Variants in MICU1 observed in about 807,000 individuals in gnomAD.
MICU1 encodes the protein calcium uptake protein 1, mitochondrial.
A neutral mutation model predicts 56.8 loss-of-function variants in MICU1; 45 were observed. That is an observed-to-expected ratio of 0.79 (90% CI 0.62 to 1.02). The LOEUF (loss-of-function observed/expected upper bound fraction) is 1.02, where lower values mean the gene tolerates loss of function less well. Ranked by LOEUF, MICU1 falls within the 50% of genes least tolerant of loss-of-function variation. The probability of loss-of-function intolerance (pLI) is 0.00; values close to 1 mark genes in which losing one functional copy is unlikely to be tolerated. For missense variants in MICU1, 504 were observed against 587.1 expected, an observed-to-expected ratio of 0.86 and a Z score of 1.46; for synonymous variants, 186 against 195.1, an observed-to-expected ratio of 0.95 and a Z score of 0.39.
At chr10:72,592,707 G>C (rs914784703) in intron 1 of MICU1, among the ~76,000 whole-genome samples, 5 of 151,294 alleles carry the variant, frequency 3.3e-5, no homozygotes, top group African/African-American at 1.2e-4. Context: ...AACATTAACA[G>C]AATGAAGAAA....
intron 8 of MICU1, among the ~76,000 whole-genome samples, chr10:72,426,904 T>C (rs1270202381): frequency 1.3e-5 from 2 of 152,232 alleles, no homozygotes; most frequent in African/African-American, 4.8e-5. Flanking sequence ...ACACAGGTTA[T>C]TACAAAATTA....
chr10:72,388,805 T>TCTCC (rs1249877869), intron 10 of MICU1, among the ~76,000 whole-genome samples: 1 of 152,144 alleles, frequency 6.6e-6, no homozygotes, highest in Non-Finnish European at 1.5e-5. Flanking sequence ...CTTTTCAGAC[T>TCTCC]CTAACAGAAT....
intron 8 of MICU1, among the ~76,000 whole-genome samples, chr10:72,452,752 G>A (rs1290672457): frequency 2.0e-5 from 3 of 151,912 alleles, no homozygotes; most frequent in Non-Finnish European, 2.9e-5. Context: ...CCCATCGCTA[G>A]GCAATGCATA....
At chr10:72,507,613 G>A (rs1309739571) in intron 6 of MICU1, among the ~76,000 whole-genome samples, 2 of 152,108 alleles carry the variant, frequency 1.3e-5, no homozygotes, top group Non-Finnish European at 2.9e-5. Context: ...CAGAGTGACA[G>A]ACAGTTAAAG....
intron 6 of MICU1, among the ~76,000 whole-genome samples, chr10:72,493,621 T>C (rs1564900567): frequency 6.6e-6 from 1 of 151,854 alleles, no homozygotes; most frequent in Non-Finnish European, 1.5e-5. Flanking sequence ...CCTGACTAAT[T>C]TGTGTATTTT....
chr10:72,414,673 T>C (rs145315995), intron 9 of MICU1, among the ~76,000 whole-genome samples: 1,583 of 152,274 alleles, frequency 0.01, 20 homozygotes, highest in Non-Finnish European at 0.015. Context: ...AATTGTACAG[T>C]TAAAATGGAT....
At chr10:72,486,836 T>C (rs1239714420) in intron 6 of MICU1, among the ~76,000 whole-genome samples, 2 of 152,074 alleles carry the variant, frequency 1.3e-5, no homozygotes, top group Non-Finnish European at 2.9e-5. Context: ...AAAATGCATA[T>C]TATGAAAAAC....
In MICU1 at chr10:72,593,493, C is replaced by T. The variant is rs549576476; in HGVS notation, c.-1-26699G>A. ...GAGCCAAGATCGTGCTACTGTACTA[C>T]AGTCTGGGCGACAGTCGGACTCTGT... On this transcript the variant is annotated intron_variant, in intron 1 of 11. Coordinates refer to ENST00000361114, the MANE Select transcript of MICU1 (RefSeq NM_001195518.2). Among the ~76,000 whole-genome samples, 19 of 148,032 alleles carry T rather than the reference C, an allele frequency of 1.3e-4. No individual in the cohort carries two copies. The East Asian group carries it at 2.9e-3, about 23-fold the overall frequency.
intron 10 of MICU1, among the ~76,000 whole-genome samples, chr10:72,378,126 A>G (rs1240198410): frequency 6.6e-6 from 1 of 152,090 alleles, no homozygotes; most frequent in Non-Finnish European, 1.5e-5. Context: ...GGTGGTGCGC[A>G]CCTATAGTCC....
chr10:72,466,190 A>T (rs1483229440), intron 8 of MICU1, among the ~76,000 whole-genome samples: 1 of 152,212 alleles, frequency 6.6e-6, no homozygotes, highest in Non-Finnish European at 1.5e-5. Flanking sequence ...AACAGAAATG[A>T]CTACTAAGTG....
chr10:72,474,424 A>G (rs1184345041), intron 8 of MICU1, among the ~76,000 whole-genome samples: 1 of 152,198 alleles, frequency 6.6e-6, no homozygotes, highest in Non-Finnish European at 1.5e-5. Context: ...ATGGAACAGA[A>G]TAAATAGCTA....
At chr10:72,427,536 A>T (rs141613153) in intron 8 of MICU1, among the ~76,000 whole-genome samples, 2,274 of 152,162 alleles carry the variant, frequency 0.015, 45 homozygotes, top group African/African-American at 0.049. Context: ...TCTCTTTCAT[A>T]CAGTTATCTT....
At chr10:72,470,091 A>C (rs1475064440) in intron 8 of MICU1, among the ~76,000 whole-genome samples, 2 of 152,174 alleles carry the variant, frequency 1.3e-5, no homozygotes, top group African/African-American at 4.8e-5. Flanking sequence ...TCCCACTACA[A>C]ACATCATCTC....
intron 1 of MICU1, among the ~76,000 whole-genome samples, chr10:72,601,566 T>G (rs1841536078): frequency 6.6e-6 from 1 of 151,906 alleles, no homozygotes; most frequent in Non-Finnish European, 1.5e-5. Context: ...TCCCCATCTA[T>G]CCCAGGTTCA....
chr10:72,601,455 AAAAG>A (rs944717373), intron 1 of MICU1, among the ~76,000 whole-genome samples: 18 of 151,000 alleles, frequency 1.2e-4, no homozygotes, highest in South Asian at 2.1e-4. Context: ...AAAAGGAAAG[AAAAG>A]AAAGAATTAA....
At chr10:72,369,303 G>GAAAA (rs35019906) in intron 11 of MICU1, among the ~76,000 whole-genome samples, 1 of 108,570 alleles carries the variant, frequency 9.2e-6, no homozygotes, top group Non-Finnish European at 2.0e-5. Context: ...ATGTCTCTTG[G>GAAAA]AAAAAAAAAA....
chr10:72,377,126 C>CA (rs917511566), intron 10 of MICU1, among the ~76,000 whole-genome samples: 10 of 148,356 alleles, frequency 6.7e-5, no homozygotes, highest in African/African-American at 2.5e-4. Context: ...GCGTATCTTT[C>CA]TTTTTTTTTT....
chr10:72,566,548 G>T, intron 2 of MICU1, 85 bp downstream of exon 2: 1 of 1,364,280 alleles, frequency 7.3e-7, no homozygotes, highest in Non-Finnish European at 9.9e-7. Context: ...ACAGAGTTAA[G>T]CCAGAAATCA....
chr10:72,398,487 G>A (rs60024822), intron 10 of MICU1, among the ~76,000 whole-genome samples: 10,855 of 151,476 alleles, frequency 0.072, 1,331 homozygotes, highest in African/African-American at 0.25. Context: ...CCCTTCAAAA[G>A]ATCAATGAAT....
Sources: allele counts gnomAD v4.1 joint callset (sites outside exome capture counted in the v4.1 genomes callset), GRCh38; gene constraint gnomAD v4.1.1; transcripts MANE v1.5; gene names NCBI Gene and HGNC (gene_info 2026-07-23, HGNC 2026-07-21).